CCNY: variants seen among roughly 807,000 people sequenced by gnomAD.
CCNY encodes cyclin Y, also known as cyclin-Y.
Under a neutral mutation model 42.8 loss-of-function variants are expected in CCNY, and 19 were observed. The observed-to-expected ratio is 0.44, with a 90% confidence interval of 0.31 to 0.65. CCNY has a LOEUF of 0.65. Ranked by LOEUF, CCNY falls within the 30% of genes least tolerant of loss-of-function variation. The pLI, the probability that CCNY is intolerant of heterozygous loss-of-function variation, is 0.07. For synonymous variants in CCNY, 165 were observed against 162.7 expected (o/e 1.01, Z -0.11); for missense variants, 370 against 437.3 (o/e 0.85, Z 1.37).
intron 1 of CCNY, among the ~76,000 whole-genome samples, chr10:35,451,667 AC>A (rs1838920226): frequency 2.0e-5 from 3 of 152,358 alleles, no homozygotes; most frequent in African/African-American, 7.2e-5. Context: ...ATGGACACCC[AC>A]AAGCCCAGGA....
intron 8 of CCNY, among the ~76,000 whole-genome samples, chr10:35,554,202 G>T (rs1477320337): frequency 6.6e-6 from 1 of 152,020 alleles, no homozygotes; most frequent in Non-Finnish European, 1.5e-5. Context: ...GTGGGCATGT[G>T]GGTTCTGGAT....
At chr10:35,480,198 A>G (rs1005909728) in intron 1 of CCNY, among the ~76,000 whole-genome samples, 2 of 152,174 alleles carry the variant, frequency 1.3e-5, no homozygotes, top group African/African-American at 4.8e-5. Flanking sequence ...TGTCATCATT[A>G]GGGACCACTT....
intron 3 of CCNY, among the ~76,000 whole-genome samples, chr10:35,267,009 G>A (rs1255473916): frequency 6.6e-6 from 1 of 151,796 alleles, no homozygotes; most frequent in African/African-American, 2.4e-5. Flanking sequence ...TTGTACCTGG[G>A]AGGCGGAGGG....
intron 1 of CCNY, among the ~76,000 whole-genome samples, chr10:35,337,529 G>A (rs920663101): frequency 1.1e-4 from 17 of 152,356 alleles, no homozygotes; most frequent in African/African-American, 3.6e-4. Context: ...AGCTGGGTGG[G>A]GGCGGCCCGG....
intron 1 of CCNY, among the ~76,000 whole-genome samples, chr10:35,360,349 T>C (rs1282080060): frequency 6.7e-6 from 1 of 149,624 alleles, no homozygotes; most frequent in Non-Finnish European, 1.5e-5. Flanking sequence ...TGTAGTGGTG[T>C]GACTATGGCT....
At chr10:35,475,568 C>G (rs1404225066) in intron 1 of CCNY, among the ~76,000 whole-genome samples, 1 of 149,924 alleles carries the variant, frequency 6.7e-6, no homozygotes, top group Admixed American at 6.6e-5. Context: ...AAATAAAATC[C>G]TTTACAGACA....
intron 1 of CCNY, among the ~76,000 whole-genome samples, chr10:35,445,211 T>C (rs987023413): frequency 6.6e-6 from 1 of 152,038 alleles, no homozygotes; most frequent in Non-Finnish European, 1.5e-5. Flanking sequence ...AAGGAGGAGA[T>C]GAGTTTACCC....
chr10:35,260,607 C>T (rs898384026), intron 3 of CCNY, among the ~76,000 whole-genome samples: 1 of 152,194 alleles, frequency 6.6e-6, no homozygotes, highest in African/African-American at 2.4e-5. Flanking sequence ...AGCGCCTGTG[C>T]CCCATCTGAG....
chr10:35,355,799 C>T (rs1417550839), intron 1 of CCNY, among the ~76,000 whole-genome samples: 4 of 148,832 alleles, frequency 2.7e-5, no homozygotes, highest in Admixed American at 6.7e-5. Flanking sequence ...TACTGATTAT[C>T]GTAAGTACTA....
At chr10:35,303,212 C>T (rs1728641882) in intron 3 of CCNY, among the ~76,000 whole-genome samples, 1 of 151,788 alleles carries the variant, frequency 6.6e-6, no homozygotes, top group Non-Finnish European at 1.5e-5. Flanking sequence ...CTGAGTTTCA[C>T]TCTTGTTGCC....
At chr10:35,552,484 A>T (rs916938906) in intron 7 of CCNY, among the ~76,000 whole-genome samples, 1 of 152,242 alleles carries the variant, frequency 6.6e-6, no homozygotes, top group Non-Finnish European at 1.5e-5. Flanking sequence ...TAACCACCAC[A>T]CTGCAGAAAC....
At position 35,441,565 on chromosome 10, in the gene CCNY, C is replaced by T. The variant is rs540627813; in HGVS notation, c.155-41839C>T. On this transcript the variant is annotated intron_variant, in intron 1 of 9. Coordinates refer to ENST00000374704, the MANE Select transcript of CCNY (RefSeq NM_145012.6). The stretch of plus-strand genomic sequence containing the variant: ...TCGAGACTGGCCTGGGCAACATGGG[C>T]GAAACCTCATCTCAACTAAAAATAA... Among the ~76,000 whole-genome samples, 8 of 152,126 alleles carry T rather than the reference C, an allele frequency of 5.3e-5. No individual in the cohort carries two copies. The East Asian group carries it at 7.7e-4, about 15-fold the overall frequency.
intron 1 of CCNY, among the ~76,000 whole-genome samples, chr10:35,483,038 A>G (rs185645290): frequency 2.0e-5 from 3 of 152,294 alleles, no homozygotes; most frequent in Admixed American, 1.3e-4. Context: ...AGGAACTACC[A>G]TGTACTTGAC....
chr10:35,283,971 C>A (rs1053382153), intron 3 of CCNY, among the ~76,000 whole-genome samples: 2 of 152,054 alleles, frequency 1.3e-5, no homozygotes, highest in Admixed American at 1.3e-4. Flanking sequence ...GTAGTCCCAG[C>A]TACTTGGGAG....
intron 3 of CCNY, among the ~76,000 whole-genome samples, chr10:35,282,464 A>G (rs1240697903): frequency 6.6e-6 from 1 of 151,956 alleles, no homozygotes. Context: ...ACGGTGGCTC[A>G]TGCCTATAAT....
At chr10:35,267,195 C>T (rs139086756) in intron 3 of CCNY, among the ~76,000 whole-genome samples, 12 of 151,890 alleles carry the variant, frequency 7.9e-5, no homozygotes, top group Admixed American at 2.6e-4. Context: ...GTAATCCCTC[C>T]GCTTTGGGAG....
intron 3 of CCNY, among the ~76,000 whole-genome samples, chr10:35,268,610 T>C (rs532573191): frequency 6.6e-6 from 1 of 152,214 alleles, no homozygotes; most frequent in East Asian, 1.9e-4. Flanking sequence ...CAGGGCTCTC[T>C]GCAGTGACCC....
intron 7 of CCNY, among the ~76,000 whole-genome samples, chr10:35,536,194 G>A (rs982223381): frequency 4.6e-5 from 7 of 152,038 alleles, no homozygotes; most frequent in African/African-American, 1.5e-4. Context: ...AGATCTGATG[G>A]GTTTATCAGG....
At chr10:35,323,917 G>A (rs1589036005) in intron 3 of CCNY, among the ~76,000 whole-genome samples, 2 of 152,114 alleles carry the variant, frequency 1.3e-5, no homozygotes, top group Middle Eastern at 6.8e-3. Flanking sequence ...CTACTCAGGA[G>A]GCTGATATAG....
Sources: gnomAD v4.1 joint callset for allele counts (sites outside exome capture counted in the v4.1 genomes callset) on GRCh38, gnomAD v4.1.1 for gene constraint, MANE v1.5 for transcripts, NCBI Gene and HGNC (gene_info 2026-07-23, HGNC 2026-07-21) for gene names.